GGNBP2: variants seen among roughly 807,000 people sequenced by gnomAD.
The protein encoded by GGNBP2 is gametogenetin-binding protein 2.
A neutral mutation model predicts 85.9 loss-of-function variants in GGNBP2; 10 were observed. That is an observed-to-expected ratio of 0.12 (90% confidence interval 0.07 to 0.20). GGNBP2 has a LOEUF of 0.20. Ranked by LOEUF, GGNBP2 falls within the 10% of genes least tolerant of loss-of-function variation. The pLI is 1.00. For synonymous variants in GGNBP2, 287 were observed against 285.7 expected (o/e 1.00, Z -0.05); for missense variants, 595 against 857.8 (o/e 0.69, Z 3.83).
Position 36,575,637 on chromosome 17 carries a change from TATATATA to T in GGNBP2, c.642-2345_642-2339del, listed in dbSNP as rs1346382623. ...ACATATATATATATATATATATATA[TATATATA>T]TATATTTTTTTTTTTTTTTGAGATG... On this transcript the variant is annotated intron_variant, in intron 6 of 13. Coordinates refer to ENST00000613102, the MANE Select transcript of GGNBP2 (RefSeq NM_024835.5). 4.7e-3 allele frequency among the ~76,000 whole-genome samples: 346 copies of T among 73,868 alleles called. 4 individuals are homozygous for T. The highest frequency in any genetic ancestry group is 8.5e-3 in the Middle Eastern group (1 of 118). The allele number at this position is 73,868 out of a possible 152,430, so 48.5% of individuals were successfully genotyped here. A position where few individuals can be genotyped will look rare whatever the true frequency, so the allele number is the denominator to read the frequency against.
chr17:36,566,041 T>A (rs1212239188), intron 5 of GGNBP2, among the ~76,000 whole-genome samples: 1 of 152,232 alleles, frequency 6.6e-6, no homozygotes, highest in African/African-American at 2.4e-5. Flanking sequence ...GTGGATAACT[T>A]ACATTTTAGG....
chr17:36,585,233 C>A (rs2074689031), intron 9 of GGNBP2, 67 bp from the exon 10 acceptor site: 1 of 1,352,188 alleles, frequency 7.4e-7, no homozygotes, highest in Non-Finnish European at 1.0e-6. Context: ...TAGTTTTGAT[C>A]TAGGGAATAA....
At chr17:36,573,147 C>G (rs2074543351) in intron 6 of GGNBP2, among the ~76,000 whole-genome samples, 1 of 152,062 alleles carries the variant, frequency 6.6e-6, no homozygotes, top group African/African-American at 2.4e-5. Flanking sequence ...CAGTCTCGCT[C>G]TGTTGCCCAG....
Position 36,545,673 on chromosome 17 carries a change from C to T in GGNBP2, c.-52C>T, listed in dbSNP as rs545511145. The T allele has an allele frequency of 2.1e-5, 29 of 1,391,844 alleles. No homozygotes were observed. In the South Asian group the frequency reaches 3.3e-4, roughly 16 times the overall value. 86.2% of individuals were successfully genotyped at this position (1,391,844 alleles called of 1,614,324 possible). A position where few individuals can be genotyped will look rare whatever the true frequency, so the allele number is the denominator to read the frequency against. ...GCGGCAGAAACAGCAGCGGCGGCGG[C>T]GGCGGCAGCTGGGAGGAGGTGGTGA... On this transcript the variant is annotated 5_prime_UTR_variant, in exon 2 of 14. Transcript: ENST00000613102.
intron 5 of GGNBP2, among the ~76,000 whole-genome samples, chr17:36,562,953 CAAAAAAAAAAAAAAAAAA>C (rs34799358): frequency 7.4e-5 from 3 of 40,516 alleles, no homozygotes; most frequent in Admixed American, 4.5e-4. Context: ...GACTCTGTCT[CAAAAAAAAAAAAAAAAAA>C]AAAAAAAAAA....
At chr17:36,555,581 A>C (rs1402276431) in intron 3 of GGNBP2, among the ~76,000 whole-genome samples, 1 of 152,278 alleles carries the variant, frequency 6.6e-6, no homozygotes, top group African/African-American at 2.4e-5. Context: ...CTGGGGTCCC[A>C]GCTCCTCCGT....
Position 36,586,184 on chromosome 17 carries a change from A to C in GGNBP2, c.1627A>C (p.Lys543Gln). 1.2e-6 allele frequency: 2 copies of C among 1,612,292 alleles called. No individual in the cohort carries two copies. Among genetic ancestry groups the C allele is most frequent in the Non-Finnish European group, 1.7e-6 (2 of 1,179,786 alleles). Residue 543 changes from lysine to glutamine, a missense_variant, in exon 12 of 14, where the codon AAA (lysine) becomes CAA (glutamine). Around this residue, in one of 9 missense-constraint regions of GGNBP2, gnomAD observed 120 missense variants for 126.3 expected, o/e 0.95. Coordinates refer to ENST00000613102, the MANE Select transcript of GGNBP2 (RefSeq NM_024835.5). ...GAAGAAGAAGAAAAGCAAGATACTGAAATGTGATGAACATGTAAGTGTCAT... is the reference window on the plus strand; with the variant it reads ...GAAGAAGAAGAAAAGCAAGATACTGCAATGTGATGAACATGTAAGTGTCAT... Reference protein sequence around the residue: ...KKKKKKSKILKCDEHIQKLGS... With the variant: ...KKKKKKSKILQCDEHIQKLGS...
chr17:36,557,591 TA>T (rs1271115100), intron 4 of GGNBP2, among the ~76,000 whole-genome samples: 2 of 151,970 alleles, frequency 1.3e-5, no homozygotes, highest in Non-Finnish European at 2.9e-5. Context: ...GGGGTAGAAT[TA>T]TTGTGGAGGA....
chr17:36,569,259 A>T (rs2074498872), intron 6 of GGNBP2, among the ~76,000 whole-genome samples: 1 of 152,158 alleles, frequency 6.6e-6, no homozygotes, highest in Non-Finnish European at 1.5e-5. Flanking sequence ...TAAAAATAAA[A>T]AAATTAGCCA....
intron 5 of GGNBP2, among the ~76,000 whole-genome samples, chr17:36,561,170 C>T (rs1392745713): frequency 6.6e-6 from 1 of 151,666 alleles, no homozygotes; most frequent in African/African-American, 2.4e-5. Flanking sequence ...ATTTCCCAGG[C>T]TGGAGTGCAG....
At chr17:36,582,080 T>C (rs898446011) in intron 9 of GGNBP2, 4 of 152,162 alleles carry the variant, frequency 2.6e-5, no homozygotes, top group African/African-American at 7.2e-5. Flanking sequence ...CGTTTTACCA[T>C]GTTGTTCAGG....
In GGNBP2 at chr17:36,558,297, C is replaced by T. The variant is rs1455546517; in HGVS notation, c.428+961C>T. On this transcript the variant is annotated intron_variant, in intron 4 of 13. Transcript: ENST00000613102. ...AGGAGTGGTGGCGGGTCCCTGTAATCCCAGCTACTCGAGAGGCTGAGGCAG... is the reference window on the plus strand; with the variant it reads ...AGGAGTGGTGGCGGGTCCCTGTAATTCCAGCTACTCGAGAGGCTGAGGCAG... Among the ~76,000 whole-genome samples the T allele has an allele frequency of 2.0e-5, 3 of 149,990 alleles. No individual in the cohort carries two copies. The East Asian group carries it at 6.1e-4, about 30-fold the overall frequency.
intron 8 of GGNBP2, 44 bp from the exon 9 acceptor site, chr17:36,581,297 AAAG>A (rs1176729901): frequency 1.5e-5 from 20 of 1,319,728 alleles, no homozygotes; most frequent in East Asian, 1.4e-4. Context: ...AAAAAAAAGA[AAAG>A]AAGTTCTGAC....
intron 13 of GGNBP2, among the ~76,000 whole-genome samples, chr17:36,588,599 TA>T (rs1434860298): frequency 6.6e-6 from 1 of 151,194 alleles, no homozygotes; most frequent in South Asian, 2.1e-4. Context: ...TTTTAATATT[TA>T]TTTATTTTTT....
chr17:36,581,292 A>C, intron 8 of GGNBP2, 52 bp from the exon 9 acceptor site: 3 of 1,292,314 alleles, frequency 2.3e-6, no homozygotes, highest in Non-Finnish European at 3.2e-6. Context: ...CTCAAAAAAA[A>C]AAGAAAAGAA....
At chr17:36,575,564 C>T (rs529197199) in intron 6 of GGNBP2, among the ~76,000 whole-genome samples, 136 of 142,252 alleles carry the variant, frequency 9.6e-4, no homozygotes, top group African/African-American at 3.5e-3. Flanking sequence ...CATTATTTGT[C>T]AGCATTGTTG....
intron 6 of GGNBP2, among the ~76,000 whole-genome samples, chr17:36,575,625 TATATATATATATATATATATATA>T (rs1332567477): frequency 3.1e-5 from 2 of 64,378 alleles, no homozygotes; most frequent in South Asian, 1.0e-3. Context: ...TATATATATA[TATATATATATATATATATATATA>T]TTTTTTTTTT....
intron 7 of GGNBP2, chr17:36,579,037 A>G (rs2074618619): frequency 1.9e-6 from 1 of 519,146 alleles, no homozygotes; most frequent in African/African-American, 1.9e-5. Flanking sequence ...ATTTTTAGCA[A>G]TACGAGGACT....
At chr17:36,547,439 A>G (rs922855467) in intron 2 of GGNBP2, 1 of 152,248 alleles carries the variant, frequency 6.6e-6, no homozygotes, top group Non-Finnish European at 1.5e-5. Flanking sequence ...ATATCAAAAC[A>G]TAGGGAAAAC....
Sources: gnomAD v4.1 joint callset for allele counts (sites outside exome capture counted in the v4.1 genomes callset) on GRCh38, gnomAD v4.1.1 for gene constraint, gnomAD v4.1.1 regional missense constraint, MANE v1.5 for transcripts, NCBI Gene and HGNC (gene_info 2026-07-23, HGNC 2026-07-21) for gene names.